The following DENND5B variants were observed in gnomAD, a reference collection of about 807,000 sequenced individuals.
DENND5B encodes DENN domain-containing protein 5B.
Under a neutral mutation model 140.6 loss-of-function variants are expected in DENND5B, and 34 were observed. The observed-to-expected ratio is 0.24, with a 90% CI of 0.18 to 0.32. DENND5B has a LOEUF of 0.32. Ranked by LOEUF, DENND5B falls within the 10% of genes least tolerant of loss-of-function variation. The pLI, the probability that DENND5B is intolerant of heterozygous loss-of-function variation, is 1.00. For synonymous variants in DENND5B, 551 were observed against 562.1 expected (o/e 0.98, Z 0.28); for missense variants, 1,142 against 1,560.2 (o/e 0.73, Z 4.52).
At chr12:31,552,676 G>T (rs1010909051) in intron 1 of DENND5B, among the ~76,000 whole-genome samples, 1 of 152,112 alleles carries the variant, frequency 6.6e-6, no homozygotes, top group African/African-American at 2.4e-5. Flanking sequence ...GGTAGAATTT[G>T]GCTGTGAATC....
At chr12:31,561,921 T>G (rs777255112) in intron 1 of DENND5B, among the ~76,000 whole-genome samples, 2 of 152,234 alleles carry the variant, frequency 1.3e-5, no homozygotes, top group Non-Finnish European at 2.9e-5. Context: ...CATCATTCAT[T>G]CAACAAAGTT....
intron 1 of DENND5B, among the ~76,000 whole-genome samples, chr12:31,587,236 T>C (rs1950425354): frequency 6.6e-6 from 1 of 152,230 alleles, no homozygotes; most frequent in African/African-American, 2.4e-5. Flanking sequence ...ACATCTCCAT[T>C]TGAATGTCTA....
intron 3 of DENND5B, among the ~76,000 whole-genome samples, chr12:31,473,250 C>T (rs1565614803): frequency 6.6e-6 from 1 of 152,134 alleles, no homozygotes; most frequent in Non-Finnish European, 1.5e-5. Flanking sequence ...TGGCTTACAG[C>T]CTTAACGCAG....
intron 1 of DENND5B, among the ~76,000 whole-genome samples, chr12:31,499,143 T>TG (rs377350006): frequency 0.011 from 1,712 of 152,028 alleles, 32 homozygotes; most frequent in African/African-American, 0.038. Flanking sequence ...AATTTACTGC[T>TG]GGGAAAAAAA....
At chr12:31,558,956 T>C (rs1408113116) in intron 1 of DENND5B, among the ~76,000 whole-genome samples, 2 of 152,204 alleles carry the variant, frequency 1.3e-5, no homozygotes, top group Non-Finnish European at 2.9e-5. Flanking sequence ...ATTACCTTTT[T>C]GTAATACGAA....
intron 1 of DENND5B, among the ~76,000 whole-genome samples, chr12:31,553,458 T>C (rs1949151656): frequency 6.6e-6 from 1 of 152,228 alleles, no homozygotes; most frequent in African/African-American, 2.4e-5. Context: ...TCTTTTACAT[T>C]TGTTGAGGAG....
At chr12:31,540,326 A>C (rs1948643422) in intron 1 of DENND5B, among the ~76,000 whole-genome samples, 1 of 152,142 alleles carries the variant, frequency 6.6e-6, no homozygotes, top group Non-Finnish European at 1.5e-5. Context: ...CAATCCCTAT[A>C]AAAATACCAA....
chr12:31,531,605 G>C (rs781525043), intron 1 of DENND5B, among the ~76,000 whole-genome samples: 2 of 152,086 alleles, frequency 1.3e-5, no homozygotes, highest in Non-Finnish European at 2.9e-5. Flanking sequence ...TTTACTTTAG[G>C]GTTTGAGTCA....
intron 3 of DENND5B, among the ~76,000 whole-genome samples, chr12:31,466,085 T>A (rs1334681653): frequency 6.6e-6 from 1 of 152,028 alleles, no homozygotes; most frequent in East Asian, 1.9e-4. Flanking sequence ...TGAGGCTGGG[T>A]GTGGTGGCTC....
At chr12:31,412,052 G>A (rs1216350161) in intron 13 of DENND5B, among the ~76,000 whole-genome samples, 1 of 152,098 alleles carries the variant, frequency 6.6e-6, no homozygotes, top group Non-Finnish European at 1.5e-5. Flanking sequence ...TGGCTCAAAT[G>A]ATTCTCCTGA....
At chr12:31,446,684 G>A (rs7308202) in intron 6 of DENND5B, among the ~76,000 whole-genome samples, 58,404 of 151,112 alleles carry the variant, frequency 0.39, 12,105 homozygotes, top group East Asian at 0.57. Flanking sequence ...TCACGAGGTC[G>A]GGAGATCGAC....
At chr12:31,541,092 A>C (rs1450637152) in intron 1 of DENND5B, 2 of 432,910 alleles carry the variant, frequency 4.6e-6, no homozygotes, top group Non-Finnish European at 9.1e-6. Context: ...TAAGACCTCA[A>C]ACTATGAAAC....
chr12:31,419,888 G>A (rs1018874915), intron 11 of DENND5B: 22 of 402,830 alleles, frequency 5.5e-5, no homozygotes, highest in East Asian at 3.5e-4. Flanking sequence ...CAGGAGAATC[G>A]CTTGAACCCA....
chr12:31,394,955 T>C (rs569532996), intron 17 of DENND5B, among the ~76,000 whole-genome samples: 1 of 152,264 alleles, frequency 6.6e-6, no homozygotes, highest in East Asian at 1.9e-4. Flanking sequence ...TCCTAACTCC[T>C]GGCAACCAAT....
chr12:31,451,345 A>T (rs1214440413), intron 5 of DENND5B, among the ~76,000 whole-genome samples: 1 of 152,018 alleles, frequency 6.6e-6, no homozygotes, highest in Non-Finnish European at 1.5e-5. Context: ...TTTTTTTGAG[A>T]TGGAGTCTCT....
At chr12:31,547,223 G>T (rs1317414171) in intron 1 of DENND5B, among the ~76,000 whole-genome samples, 5 of 152,058 alleles carry the variant, frequency 3.3e-5, no homozygotes, top group Non-Finnish European at 7.4e-5. Context: ...CAGAGAAAAA[G>T]GGAAAAGTAT....
At chr12:31,492,351 G>C (rs1222199173) in intron 2 of DENND5B, among the ~76,000 whole-genome samples, 1 of 152,162 alleles carries the variant, frequency 6.6e-6, no homozygotes, top group Non-Finnish European at 1.5e-5. Flanking sequence ...ATGATTAAAA[G>C]AAAGAAAACA....
chr12:31,411,335 C>A (rs1309952855), intron 13 of DENND5B, among the ~76,000 whole-genome samples: 1 of 114,210 alleles, frequency 8.8e-6, no homozygotes, highest in African/African-American at 3.1e-5. Flanking sequence ...ACACGCCCGG[C>A]CTTTTTTTTT....
At chr12:31,423,546 T>G in intron 11 of DENND5B, 51 bp downstream of exon 11, 8 of 1,575,680 alleles carry the variant, frequency 5.1e-6, no homozygotes, top group Non-Finnish European at 7.0e-6. Flanking sequence ...CAAATAGTAT[T>G]GAGTCTTCTC....
Sources: gnomAD v4.1 joint callset for allele counts (sites outside exome capture counted in the v4.1 genomes callset) on GRCh38, gnomAD v4.1.1 for gene constraint, MANE v1.5 for transcripts, NCBI Gene and HGNC (gene_info 2026-07-23, HGNC 2026-07-21) for gene names.